SGCD: variants seen among roughly 807,000 people sequenced by gnomAD.
SGCD encodes the protein sarcoglycan delta, also known as delta-sarcoglycan.
A neutral mutation model predicts 36.6 loss-of-function variants in SGCD; 18 were observed. The ratio of observed to expected loss-of-function variants is 0.49; its 90% confidence interval spans 0.34 to 0.73. The LOEUF is 0.73. SGCD is among the 30% of genes least tolerant of loss of function. SGCD has a pLI of 0.01. For missense variants in SGCD, 387 were observed against 346.7 expected, an observed-to-expected ratio of 1.12 and a Z score of -0.92; for synonymous variants, 133 against 130.6, an observed-to-expected ratio of 1.02 and a Z score of -0.12.
At chr5:156,698,185 T>C (rs1561863423) in intron 7 of SGCD, among the ~76,000 whole-genome samples, 2 of 152,090 alleles carry the variant, frequency 1.3e-5, no homozygotes, top group African/African-American at 4.8e-5. Flanking sequence ...TGTAGGACAA[T>C]TTAGAAACCT....
intron 4 of SGCD, among the ~76,000 whole-genome samples, chr5:156,545,072 A>C (rs1193240616): frequency 9.2e-5 from 14 of 152,134 alleles, no homozygotes. Context: ...ACAGTTCTTC[A>C]AATCTCTTCT....
At chr5:156,123,213 T>C (rs947452984) in intron 2 of SGCD, among the ~76,000 whole-genome samples, 1 of 152,072 alleles carries the variant, frequency 6.6e-6, no homozygotes, top group African/African-American at 2.4e-5. Context: ...TGGAGACAAA[T>C]CTCAGAGTTG....
chr5:156,455,544 C>A (rs1754221812), intron 3 of SGCD, among the ~76,000 whole-genome samples: 1 of 151,804 alleles, frequency 6.6e-6, no homozygotes, highest in Non-Finnish European at 1.5e-5. Context: ...CATAACATGA[C>A]AGGGGCATTT....
rs190686423 is a variant in SGCD, at chr5:156,107,185, G to A, written c.-281-10693G>A. On this transcript the variant is annotated intron_variant, in intron 1 of 9. Coordinates refer to the SGCD transcript ENST00000517913. ...CCAATTCTTAAAAGCAAATAAAGCC[G>A]GCAATTATGACTAATTTCTAATCCT... is the stretch of plus-strand genomic sequence containing the variant. Among the ~76,000 whole-genome samples the A allele has an allele frequency of 1.6e-4, 25 of 152,180 alleles. No homozygotes were observed. The East Asian group carries it at 3.7e-3, about 22-fold the overall frequency.
At chr5:156,324,406 T>G (rs1767750791), upstream of SGCD, among the ~76,000 whole-genome samples, 1 of 152,122 alleles carries the variant, frequency 6.6e-6, no homozygotes, top group Non-Finnish European at 1.5e-5. Flanking sequence ...AAATACTTCT[T>G]GAGAGGGCCT....
chr5:156,703,996 G>T (rs1754636807), intron 7 of SGCD: 1 of 152,126 alleles, frequency 6.6e-6, no homozygotes, highest in Non-Finnish European at 1.5e-5. Context: ...AACTCTGGTT[G>T]CAAGTGAAGG....
intron 3 of SGCD, among the ~76,000 whole-genome samples, chr5:156,477,049 G>A (rs73815509): frequency 7.2e-3 from 884 of 122,024 alleles, no homozygotes; most frequent in East Asian, 9.2e-3. Flanking sequence ...AAGAGAAAAA[G>A]AAAAAAAAAA....
chr5:156,027,218 T>C (rs1019641190), intron 1 of SGCD, among the ~76,000 whole-genome samples: 2 of 152,218 alleles, frequency 1.3e-5, no homozygotes, highest in African/African-American at 2.4e-5. Flanking sequence ...TCATTCCTAG[T>C]TGATATTCCA....
At chr5:156,083,483 C>G (rs1036180537) in intron 1 of SGCD, among the ~76,000 whole-genome samples, 8 of 151,466 alleles carry the variant, frequency 5.3e-5, no homozygotes, top group Non-Finnish European at 4.4e-5. Flanking sequence ...TTAGTAGAGG[C>G]AGGGTTTCTC....
At chr5:155,896,502 C>T (rs921694437) in intron 1 of SGCD, among the ~76,000 whole-genome samples, 3 of 149,670 alleles carry the variant, frequency 2.0e-5, no homozygotes, top group African/African-American at 7.4e-5. Flanking sequence ...AAGAATTAGG[C>T]AGCCACGATG....
chr5:156,486,654 CA>C (rs1240447655), intron 3 of SGCD, among the ~76,000 whole-genome samples: 2 of 152,162 alleles, frequency 1.3e-5, no homozygotes. Flanking sequence ...ACTTGTTATA[CA>C]GGGGGCTGGG....
the SGCD span, among the ~76,000 whole-genome samples, chr5:155,790,489 T>C: frequency 2.6e-5 from 4 of 152,028 alleles, no homozygotes; most frequent in East Asian, 1.9e-4. Context: ...TGAAATGATA[T>C]GTTATTAAGA....
chr5:155,952,458 C>G (rs1757566799), intron 1 of SGCD, among the ~76,000 whole-genome samples: 1 of 152,030 alleles, frequency 6.6e-6, no homozygotes, highest in Non-Finnish European at 1.5e-5. Flanking sequence ...CCTCCTAGCT[C>G]TTCCTCATTT....
chr5:156,321,894 A>C (rs10038955), upstream of SGCD, among the ~76,000 whole-genome samples: 43,242 of 151,968 alleles, frequency 0.28, 6,244 homozygotes, highest in Middle Eastern at 0.42. Flanking sequence ...GATTGAGTAC[A>C]TCTCTCCCCC....
At chr5:156,192,414 A>C (rs1343492049) in intron 3 of SGCD, among the ~76,000 whole-genome samples, 1 of 152,112 alleles carries the variant, frequency 6.6e-6, no homozygotes, top group Non-Finnish European at 1.5e-5. Context: ...TGTGAGAGCT[A>C]AAAAAGTTGA....
intron 4 of SGCD, among the ~76,000 whole-genome samples, chr5:156,571,290 C>A (rs919755457): frequency 1.1e-4 from 17 of 152,192 alleles, no homozygotes; most frequent in African/African-American, 3.9e-4. Context: ...AAGTGATCCG[C>A]CTGCCTGGGC....
chr5:156,208,142 G>A (rs368135896), intron 3 of SGCD, among the ~76,000 whole-genome samples: 27 of 152,218 alleles, frequency 1.8e-4, no homozygotes, highest in African/African-American at 6.0e-4. Context: ...TATAATCAGT[G>A]GAATTAATCC....
At chr5:156,032,706 CAA>C (rs1171072619) in intron 1 of SGCD, among the ~76,000 whole-genome samples, 21 of 15,062 alleles carry the variant, frequency 1.4e-3, no homozygotes, top group East Asian at 4.1e-3. Flanking sequence ...GACTCCGTCT[CAA>C]AAAAAAAAAA....
intron 3 of SGCD, among the ~76,000 whole-genome samples, chr5:156,423,163 T>TATTTAATATAATTAATTATTTAAA (rs1773405443): frequency 2.2e-4 from 3 of 13,824 alleles, no homozygotes; most frequent in Admixed American, 1.5e-3. Flanking sequence ...TATTTAAATA[T>TATTTAATATAATTAATTATTTAAA]TATATTTAAT....
Sources: gnomAD v4.1 joint callset for allele counts (sites outside exome capture counted in the v4.1 genomes callset) on GRCh38, gnomAD v4.1.1 for gene constraint, MANE v1.5 for transcripts, NCBI Gene and HGNC (gene_info 2026-07-23, HGNC 2026-07-21) for gene names.